The following SGPP2 variants were observed in gnomAD, a reference collection of about 807,000 sequenced individuals.
SGPP2 encodes sphingosine 1-phosphate phosphohydrolase 2.
SGPP2 carries 30 observed loss-of-function variants against 33.9 expected under a neutral mutation model. That is an observed-to-expected ratio of 0.89 (90% confidence interval 0.66 to 1.20). SGPP2 has a LOEUF of 1.20. Ranked by LOEUF, SGPP2 falls within the 50% of genes most tolerant of loss-of-function variation. The pLI is 0.00. For synonymous variants in SGPP2, 233 were observed against 225.0 expected (o/e 1.04, Z -0.32); for missense variants, 458 against 532.1 (o/e 0.86, Z 1.37).
At chr2:222,456,367 C>T (rs1054762524) in intron 1 of SGPP2, among the ~76,000 whole-genome samples, 10 of 152,280 alleles carry the variant, frequency 6.6e-5, no homozygotes, top group South Asian at 6.2e-4. Flanking sequence ...ACTAGCCTCA[C>T]GTGGCTGTTG....
Position 222,424,772 on chromosome 2 carries a change from A to C in SGPP2, c.170A>C (p.Lys57Thr). ...GAGCATCTCCCCGCAGCCAACGGCA[A>C]GGGCGGCGAGGCTCCGGCCAACGGG... ...GVEHLPAANG[K>T]GGEAPANGLR... Residue 57 changes from lysine to threonine, a missense_variant, in exon 1 of 5, where the codon AAG (lysine) becomes ACG (threonine). Coordinates refer to ENST00000321276, the MANE Select transcript of SGPP2 (RefSeq NM_152386.4). 1 of 1,399,394 alleles carries C rather than the reference A, an allele frequency of 7.1e-7. No homozygotes were observed. The highest frequency in any genetic ancestry group is 9.3e-7 in the Non-Finnish European group (1 of 1,078,268). 86.7% of individuals were successfully genotyped at this position (1,399,394 alleles called of 1,614,324 possible).
chr2:222,529,566 A>C (rs1698810111), intron 4 of SGPP2, among the ~76,000 whole-genome samples: 1 of 152,028 alleles, frequency 6.6e-6, no homozygotes, highest in East Asian at 1.9e-4. Context: ...AACCCCTGAC[A>C]TGAAGTGATC....
chr2:222,424,424 C>G, upstream of SGPP2: 1 of 215,620 alleles, frequency 4.6e-6, no homozygotes, highest in Non-Finnish European at 8.7e-6. Flanking sequence ...AAGGTGGAGG[C>G]AGACACCTGG....
At chr2:222,497,929 TG>T (rs1347386272) in intron 2 of SGPP2, among the ~76,000 whole-genome samples, 1 of 152,108 alleles carries the variant, frequency 6.6e-6, no homozygotes. Flanking sequence ...ATGAGGCCCC[TG>T]GGGGAGAGAG....
rs1030265246 is a variant in SGPP2, at chr2:222,562,055, C to G, written c.*3157C>G. Among the ~76,000 whole-genome samples the G allele has an allele frequency of 3.9e-5, 6 of 152,154 alleles. No homozygotes were observed. Among genetic ancestry groups the G allele is most frequent in the Non-Finnish European group, 7.4e-5 (5 of 68,018 alleles). ...TTCAGTCTAGGTCCACCATCCCTCT[C>G]GATCTGGCATCTTGGAGATTAATTT... On this transcript the variant is annotated 3_prime_UTR_variant, in exon 5 of 5. Transcript: ENST00000321276.
chr2:222,440,050 T>C (rs534382395), intron 1 of SGPP2, among the ~76,000 whole-genome samples: 2 of 152,354 alleles, frequency 1.3e-5, no homozygotes, highest in East Asian at 3.9e-4. Flanking sequence ...AAAAAATCAA[T>C]ACTGCCTTAT....
rs1689521353 is a variant in SGPP2, at chr2:222,560,701, A to G, written c.*1803A>G. ...AAAAAATAGCTTCCTTAAAAGTTAC[A>G]GAGGCTCTTAACGTGTTAAAACCGA... is the stretch of plus-strand genomic sequence containing the variant. On this transcript the variant is annotated 3_prime_UTR_variant, in exon 5 of 5. Coordinates refer to ENST00000321276, the MANE Select transcript of SGPP2 (RefSeq NM_152386.4). 6.6e-6 allele frequency: 1 copy of G among 152,248 alleles called. No homozygotes were observed. The highest frequency in any genetic ancestry group is 1.5e-5 in the Non-Finnish European group (1 of 68,048). The allele number at this position is 152,248 out of a possible 1,614,324, so 9.4% of individuals were successfully genotyped here.
intron 1 of SGPP2, among the ~76,000 whole-genome samples, chr2:222,440,352 G>T (rs201617058): frequency 1.3e-5 from 2 of 149,632 alleles, no homozygotes; most frequent in Admixed American, 6.6e-5. Context: ...TTTTGTTTTT[G>T]TTTTTTTTTG....
intron 2 of SGPP2, among the ~76,000 whole-genome samples, chr2:222,493,202 A>G (rs561527789): frequency 6.6e-6 from 1 of 152,306 alleles, no homozygotes; most frequent in Non-Finnish European, 1.5e-5. Context: ...AGACTGGGTA[A>G]TTTATAAACA....
chr2:222,540,607 G>A (rs34463198), intron 4 of SGPP2, among the ~76,000 whole-genome samples: 48,581 of 151,768 alleles, frequency 0.32, 8,536 homozygotes, highest in Middle Eastern at 0.48. Context: ...GGAACGGTGC[G>A]CAGTAAATGT....
chr2:222,442,207 G>T (rs1697334954), intron 1 of SGPP2, among the ~76,000 whole-genome samples: 1 of 152,070 alleles, frequency 6.6e-6, no homozygotes, highest in African/African-American at 2.4e-5. Context: ...GTATATTTTT[G>T]GCATGTATCT....
intron 2 of SGPP2, among the ~76,000 whole-genome samples, chr2:222,497,076 G>A (rs1019196044): frequency 6.6e-6 from 1 of 152,106 alleles, no homozygotes; most frequent in African/African-American, 2.4e-5. Flanking sequence ...CATCTTAATG[G>A]AATGGCTCCC....
chr2:222,455,770 G>A (rs1375017609), intron 1 of SGPP2, among the ~76,000 whole-genome samples: 1 of 152,164 alleles, frequency 6.6e-6, no homozygotes, highest in Non-Finnish European at 1.5e-5. Context: ...CTTCTAAAAT[G>A]TAAAACTCGG....
chr2:222,527,420 C>T (rs1698775510), intron 4 of SGPP2, among the ~76,000 whole-genome samples: 1 of 152,222 alleles, frequency 6.6e-6, no homozygotes, highest in Non-Finnish European at 1.5e-5. Context: ...AACACTTGGG[C>T]TCACCTTTAG....
At chr2:222,479,471 C>T (rs1480102129) in intron 2 of SGPP2, among the ~76,000 whole-genome samples, 2 of 144,894 alleles carry the variant, frequency 1.4e-5, no homozygotes, top group African/African-American at 2.6e-5. Flanking sequence ...GGCGCGATCT[C>T]GGCTCACTGC....
intron 1 of SGPP2, among the ~76,000 whole-genome samples, chr2:222,445,377 T>C (rs1697383894): frequency 6.6e-6 from 1 of 152,228 alleles, no homozygotes; most frequent in Non-Finnish European, 1.5e-5. Context: ...AGAGGTTGCT[T>C]TCCAGTTCCA....
At position 222,460,114 on chromosome 2, in the gene SGPP2, G is replaced by A. The variant is rs1391195597; in HGVS notation, c.220-14454G>A. On this transcript the variant is annotated intron_variant, in intron 1 of 4. Transcript: ENST00000321276. This position sits in a 1 kb window ranked among gnomAD's most constrained non-coding sequence, Gnocchi z 4.3. ...CAGGGCCTCCGGGTTTGCTCGGGGT[G>A]GGCATTGCACAGCCTGTGGCATTCA... is the stretch of plus-strand genomic sequence containing the variant. 1.3e-5 allele frequency among the ~76,000 whole-genome samples: 2 copies of A among 152,200 alleles called. No individual in the cohort carries two copies. Among genetic ancestry groups the A allele is most frequent in the Non-Finnish European group, 2.9e-5 (2 of 68,034 alleles).
At chr2:222,512,936 A>G (rs1456969463) in intron 2 of SGPP2, among the ~76,000 whole-genome samples, 1 of 152,258 alleles carries the variant, frequency 6.6e-6, no homozygotes, top group Non-Finnish European at 1.5e-5. Flanking sequence ...TGCTATAAGC[A>G]TCCTTGCACA....
intron 4 of SGPP2, among the ~76,000 whole-genome samples, chr2:222,555,407 G>A (rs1436395936): frequency 9.0e-6 from 1 of 111,592 alleles, no homozygotes; most frequent in African/African-American, 3.3e-5. Flanking sequence ...AAAGACATTT[G>A]TATTTCCTTT....
Sources: gnomAD v4.1 joint callset for allele counts (sites outside exome capture counted in the v4.1 genomes callset) on GRCh38, gnomAD v4.1.1 for gene constraint, Gnocchi (gnomAD v3.1) non-coding constraint, MANE v1.5 for transcripts, NCBI Gene and HGNC (gene_info 2026-07-23, HGNC 2026-07-21) for gene names.